DGKB: variants seen among roughly 807,000 people sequenced by gnomAD.
DGKB encodes the protein diacylglycerol kinase beta, also known as 90 kDa diacylglycerol kinase.
DGKB carries 67 observed loss-of-function variants against 114.3 expected under a neutral mutation model. The ratio of observed to expected loss-of-function variants is 0.59; its 90% confidence interval spans 0.48 to 0.72. DGKB has a LOEUF of 0.72. DGKB is among the 30% of genes least tolerant of loss of function. The pLI is 0.00. For synonymous variants in DGKB, 398 were observed against 323.1 expected (o/e 1.23, Z -2.49); for missense variants, 907 against 975.2 (o/e 0.93, Z 0.93).
chr7:14,319,759 C>T (rs913488929), intron 23 of DGKB, among the ~76,000 whole-genome samples: 9 of 152,094 alleles, frequency 5.9e-5, no homozygotes, highest in Admixed American at 2.6e-4. Context: ...ATTATGCATC[C>T]AGTGGTCTAT....
intron 1 of DGKB, among the ~76,000 whole-genome samples, chr7:14,881,539 G>T (rs527647491): frequency 2.6e-5 from 4 of 152,114 alleles, no homozygotes; most frequent in Non-Finnish European, 5.9e-5. Context: ...AATTAAGAGT[G>T]TATGCAGAAC....
At chr7:14,879,768 AG>A (rs1267345101) in intron 1 of DGKB, among the ~76,000 whole-genome samples, 4 of 152,196 alleles carry the variant, frequency 2.6e-5, no homozygotes, top group Non-Finnish European at 4.4e-5. Flanking sequence ...TTTCCTTATA[AG>A]ACTTTTGTAT....
chr7:14,517,274 A>G (rs957717285), intron 20 of DGKB, among the ~76,000 whole-genome samples: 6 of 152,130 alleles, frequency 3.9e-5, no homozygotes, highest in African/African-American at 1.4e-4. Flanking sequence ...TCGAAACTGG[A>G]CCCTTTCCTT....
rs1417678533 is a variant in DGKB, at chr7:14,804,349, T to C, written c.70+36845A>G. On this transcript the variant is annotated intron_variant, in intron 2 of 25. Coordinates refer to ENST00000402815, the MANE Select transcript of DGKB (RefSeq NM_001350709.2). ...GGTTTTAAGATTTTTCTCCTTATCC[T>C]ATATATTTTGCAGTTTCAGCATGAT... Among the ~76,000 whole-genome samples, 3 of 152,218 alleles carry C rather than the reference T, an allele frequency of 2.0e-5. 1 individual carries two copies. The highest frequency in any genetic ancestry group is 4.1e-4 in the South Asian group (2 of 4,828).
intron 19 of DGKB, among the ~76,000 whole-genome samples, chr7:14,579,991 G>C (rs139001386): frequency 1.3e-5 from 2 of 152,300 alleles, no homozygotes; most frequent in African/African-American, 4.8e-5. Context: ...ACCAAAGTCT[G>C]ATGGTGTTTA....
chr7:14,519,307 T>G (rs1789356536), intron 20 of DGKB, among the ~76,000 whole-genome samples: 1 of 152,082 alleles, frequency 6.6e-6, no homozygotes, highest in South Asian at 2.1e-4. Context: ...TCTGTATAAA[T>G]GGGTTTGTTC....
chr7:14,201,507 A>G (rs1275192771), intron 23 of DGKB, among the ~76,000 whole-genome samples: 1 of 151,980 alleles, frequency 6.6e-6, no homozygotes, highest in East Asian at 1.9e-4. Flanking sequence ...CTTAGGAGGT[A>G]GAACTGACAG....
intron 1 of DGKB, among the ~76,000 whole-genome samples, chr7:14,910,205 C>A (rs1210929709): frequency 6.7e-6 from 1 of 149,746 alleles, no homozygotes; most frequent in Non-Finnish European, 1.5e-5. Context: ...TGCGTCATTG[C>A]ACTCCAGCCT....
intron 15 of DGKB, among the ~76,000 whole-genome samples, chr7:14,619,366 C>T (rs947009203): frequency 3.3e-5 from 5 of 151,148 alleles, no homozygotes; most frequent in Admixed American, 6.6e-5. Context: ...GTAATAAGGT[C>T]GAATATTTCA....
intron 1 of DGKB, among the ~76,000 whole-genome samples, chr7:14,965,308 G>T (rs1235225856): frequency 6.6e-6 from 1 of 152,028 alleles, no homozygotes; most frequent in Non-Finnish European, 1.5e-5. Flanking sequence ...ATATAGTTAA[G>T]AATGAGAGGA....
At chr7:14,169,689 G>A (rs1780557685) in intron 25 of DGKB, among the ~76,000 whole-genome samples, 1 of 152,032 alleles carries the variant, frequency 6.6e-6, no homozygotes, top group Non-Finnish European at 1.5e-5. Context: ...TAGCTGTGTT[G>A]GTCAGTAGTA....
At chr7:14,454,974 G>C (rs1235568303) in intron 21 of DGKB, among the ~76,000 whole-genome samples, 1 of 152,150 alleles carries the variant, frequency 6.6e-6, no homozygotes. Context: ...ACTGGTAAGA[G>C]GCAGAAGTAG....
intron 23 of DGKB, among the ~76,000 whole-genome samples, chr7:14,238,674 G>A (rs1793190408): frequency 6.6e-6 from 1 of 151,870 alleles, no homozygotes; most frequent in African/African-American, 2.4e-5. Context: ...GAGAAGAGAG[G>A]TGGACGTGAA....
At chr7:14,907,302 A>T (rs1001623835), upstream of DGKB, among the ~76,000 whole-genome samples, 2 of 152,244 alleles carry the variant, frequency 1.3e-5, no homozygotes, top group Non-Finnish European at 2.9e-5. Flanking sequence ...GGCCATTTAC[A>T]GGCCTTTCCA....
chr7:14,703,384 G>C (rs1477501856), intron 6 of DGKB, among the ~76,000 whole-genome samples: 5 of 152,254 alleles, frequency 3.3e-5, no homozygotes, highest in African/African-American at 4.8e-5. Flanking sequence ...AAACACACAT[G>C]GGTAGGATAT....
Position 14,363,844 on chromosome 7 carries a change from T to A in DGKB, c.1836-18453A>T, listed in dbSNP as rs968649896. ...TAAGGCTTCTTTCATATCTACACTC[T>A]TAGAGTGGAAACTAAGTAACCTAAA... is the stretch of plus-strand genomic sequence containing the variant. On this transcript the variant is annotated intron_variant, in intron 21 of 25. Transcript: ENST00000402815. Among the ~76,000 whole-genome samples the A allele has an allele frequency of 2.6e-5, 4 of 152,182 alleles. No individual in the cohort carries two copies. The East Asian group carries it at 7.7e-4, about 29-fold the overall frequency.
intron 2 of DGKB, among the ~76,000 whole-genome samples, chr7:14,786,292 G>A (rs1169249979): frequency 2.6e-5 from 4 of 152,192 alleles, no homozygotes; most frequent in Admixed American, 1.3e-4. Flanking sequence ...GCATGTTTGT[G>A]TGTGTGTTTA....
At chr7:14,207,853 A>G (rs1327191845) in intron 23 of DGKB, among the ~76,000 whole-genome samples, 4 of 152,054 alleles carry the variant, frequency 2.6e-5, no homozygotes, top group South Asian at 2.1e-4. Flanking sequence ...CCAATACTCT[A>G]TCTTCAAAGT....
chr7:14,735,970 T>G (rs1348280068), intron 5 of DGKB, 71 bp downstream of exon 5: 4 of 924,736 alleles, frequency 4.3e-6, no homozygotes, highest in Non-Finnish European at 6.1e-6. Context: ...CATTCATCTT[T>G]TATGATAACT....
Sources: allele counts gnomAD v4.1 joint callset (sites outside exome capture counted in the v4.1 genomes callset), GRCh38; gene constraint gnomAD v4.1.1; transcripts MANE v1.5; gene names NCBI Gene and HGNC (gene_info 2026-07-23, HGNC 2026-07-21).